The following NAALADL2 variants were observed in gnomAD, a reference collection of about 807,000 sequenced individuals.
NAALADL2 encodes the protein inactive N-acetylated-alpha-linked acidic dipeptidase-like protein 2.
Under a neutral mutation model 87.2 loss-of-function variants are expected in NAALADL2, and 76 were observed. That is an observed-to-expected ratio of 0.87 (90% CI 0.72 to 1.05). NAALADL2 has a LOEUF of 1.05. Ranked by LOEUF, NAALADL2 falls within the 50% of genes least tolerant of loss-of-function variation. NAALADL2 has a pLI of 0.00. For synonymous variants in NAALADL2, 354 were observed against 331.0 expected (o/e 1.07, Z -0.75); for missense variants, 1,089 against 945.8 (o/e 1.15, Z -1.99).
intron 1 of NAALADL2, among the ~76,000 whole-genome samples, chr3:175,031,863 G>A (rs1344131129): frequency 6.6e-6 from 1 of 151,936 alleles, no homozygotes; most frequent in Non-Finnish European, 1.5e-5. Context: ...TTTATCTGAT[G>A]TTAGTGATGT....
At chr3:175,788,744 A>T (rs190869016) in intron 13 of NAALADL2, among the ~76,000 whole-genome samples, 2 of 152,340 alleles carry the variant, frequency 1.3e-5, no homozygotes, top group East Asian at 3.9e-4. Context: ...ATGGTCACAT[A>T]AATATATTTC....
At chr3:174,639,315 A>G (rs1722947111) in intron 2 of NAALADL2, among the ~76,000 whole-genome samples, 1 of 152,208 alleles carries the variant, frequency 6.6e-6, no homozygotes, top group South Asian at 2.1e-4. Context: ...CTTTCAATGT[A>G]ATGGAAATTT....
intron 1 of NAALADL2, among the ~76,000 whole-genome samples, chr3:174,967,383 AAAAAG>A (rs1386361991): frequency 1.3e-5 from 2 of 151,954 alleles, no homozygotes; most frequent in African/African-American, 4.8e-5. Context: ...AAAAAAAAAA[AAAAAG>A]AAAAAAGGAA....
chr3:175,337,015 C>T (rs966648954), intron 5 of NAALADL2, among the ~76,000 whole-genome samples: 1 of 151,822 alleles, frequency 6.6e-6, no homozygotes, highest in Non-Finnish European at 1.5e-5. Flanking sequence ...TAGAATACAT[C>T]TCATTGAAAT....
intron 8 of NAALADL2, among the ~76,000 whole-genome samples, chr3:175,470,603 G>T (rs1168155248): frequency 6.6e-6 from 1 of 152,038 alleles, no homozygotes; most frequent in African/African-American, 2.4e-5. Context: ...ACTTTCCCAA[G>T]TTATGACATA....
intron 9 of NAALADL2, among the ~76,000 whole-genome samples, chr3:175,524,254 T>C (rs186765883): frequency 8.2e-4 from 125 of 152,344 alleles, no homozygotes; most frequent in Admixed American, 1.5e-3. Flanking sequence ...TTGAAGACCA[T>C]CATCTAGTCC....
chr3:174,882,327 G>T (rs1273274933), intron 1 of NAALADL2, among the ~76,000 whole-genome samples: 1 of 151,454 alleles, frequency 6.6e-6, no homozygotes, highest in Non-Finnish European at 1.5e-5. Context: ...TAATAATATG[G>T]CCATGAAACA....
chr3:175,392,563 A>T (rs1343751802), intron 5 of NAALADL2, among the ~76,000 whole-genome samples: 1 of 152,144 alleles, frequency 6.6e-6, no homozygotes, highest in Admixed American at 6.5e-5. Context: ...AATAAAATTT[A>T]TTTCCCTCAT....
rs1443825777 is a variant in NAALADL2 at position 174,584,320 on chromosome 3, G to T, written c.-115+33683G>T. Reference sequence around the variant, plus strand: ...ACATAAACGTATAAGGTCACTGGGTGTAGGGTGTAGAGCAAATACTAGCAG... The same window carrying T: ...ACATAAACGTATAAGGTCACTGGGTTTAGGGTGTAGAGCAAATACTAGCAG... On this transcript the variant is annotated intron_variant, in intron 2 of 3. Coordinates refer to the NAALADL2 transcript ENST00000434257. 2.0e-5 allele frequency among the ~76,000 whole-genome samples: 3 copies of T among 152,310 alleles called. No homozygotes were observed. In the East Asian group the frequency reaches 5.8e-4, roughly 29 times the overall value.
chr3:174,960,414 G>A (rs1741806297), intron 1 of NAALADL2, among the ~76,000 whole-genome samples: 2 of 151,980 alleles, frequency 1.3e-5, no homozygotes, highest in South Asian at 4.1e-4. Context: ...TTCTGGCGAT[G>A]GAATGTCAAT....
intron 3 of NAALADL2, among the ~76,000 whole-genome samples, chr3:174,753,307 CT>C (rs1350399936): frequency 6.6e-6 from 1 of 152,196 alleles, no homozygotes; most frequent in Non-Finnish European, 1.5e-5. Flanking sequence ...ATCCTCTGAC[CT>C]CAGTTGATCC....
intron 5 of NAALADL2, among the ~76,000 whole-genome samples, chr3:175,391,078 A>G (rs1769009575): frequency 6.6e-6 from 1 of 152,192 alleles, no homozygotes; most frequent in Non-Finnish European, 1.5e-5. Context: ...GTAGAGTCAT[A>G]AGGATTATTA....
chr3:175,674,727 C>T (rs999403972), intron 11 of NAALADL2, among the ~76,000 whole-genome samples: 10 of 151,926 alleles, frequency 6.6e-5, no homozygotes, highest in South Asian at 4.1e-4. Context: ...TTAAGTTTTA[C>T]ATGATGTCAT....
chr3:174,957,107 A>G (rs1741258058), intron 1 of NAALADL2, among the ~76,000 whole-genome samples: 1 of 151,920 alleles, frequency 6.6e-6, no homozygotes, highest in Non-Finnish European at 1.5e-5. Context: ...TGATAGAGTC[A>G]GTTTAGGCCC....
intron 1 of NAALADL2, among the ~76,000 whole-genome samples, chr3:174,972,172 T>C (rs1405609281): frequency 1.3e-5 from 2 of 152,230 alleles, no homozygotes; most frequent in Admixed American, 6.5e-5. Flanking sequence ...TTGTGATGCC[T>C]AATCTAGAGA....
At chr3:174,533,865 G>T (rs1359626698) in intron 1 of NAALADL2, among the ~76,000 whole-genome samples, 2 of 152,072 alleles carry the variant, frequency 1.3e-5, no homozygotes, top group Non-Finnish European at 2.9e-5. Flanking sequence ...CTTGACATTT[G>T]AGAATAAGAC....
chr3:174,533,230 C>G (rs1475811909), intron 1 of NAALADL2, among the ~76,000 whole-genome samples: 3 of 151,640 alleles, frequency 2.0e-5, no homozygotes, highest in Non-Finnish European at 4.4e-5. Flanking sequence ...CCCCCTTGTT[C>G]AGGTGTGCTC....
At chr3:175,139,547 C>T (rs188465057) in intron 2 of NAALADL2, among the ~76,000 whole-genome samples, 182 of 151,900 alleles carry the variant, frequency 1.2e-3, no homozygotes, top group African/African-American at 3.3e-3. Context: ...TGAAATGCTA[C>T]GTAGATGATT....
chr3:175,542,640 G>A (rs1020672030), intron 9 of NAALADL2, among the ~76,000 whole-genome samples: 11 of 152,132 alleles, frequency 7.2e-5, no homozygotes, highest in African/African-American at 2.2e-4. Flanking sequence ...GATTACAGGC[G>A]TGAGCCACTG....
Sources: gnomAD v4.1 joint callset for allele counts (sites outside exome capture counted in the v4.1 genomes callset) on GRCh38, gnomAD v4.1.1 for gene constraint, MANE v1.5 for transcripts, NCBI Gene and HGNC (gene_info 2026-07-23, HGNC 2026-07-21) for gene names.